The following FHL5 variants were observed in gnomAD, a reference collection of about 807,000 sequenced individuals.
FHL5 encodes four and a half LIM domains 5.
A neutral mutation model predicts 32.0 loss-of-function variants in FHL5; 33 were observed. The ratio of observed to expected loss-of-function variants is 1.03; its 90% CI spans 0.78 to 1.38. The LOEUF (loss-of-function observed/expected upper bound fraction) is 1.38. FHL5 is among the 40% of genes most tolerant of loss of function. FHL5 has a pLI of 0.00. For missense variants in FHL5, 336 were observed against 343.9 expected, an observed-to-expected ratio of 0.98 and a Z score of 0.18; for synonymous variants, 114 against 113.6, an observed-to-expected ratio of 1.00 and a Z score of -0.02.
intron 2 of FHL5, among the ~76,000 whole-genome samples, chr6:96,604,055 G>C (rs1392700766): frequency 6.6e-6 from 1 of 152,162 alleles, no homozygotes; most frequent in Non-Finnish European, 1.5e-5. Context: ...TTTTCCTGCT[G>C]TTTCCAAGCT....
chr6:96,591,533 G>A (rs972135863), intron 1 of FHL5, among the ~76,000 whole-genome samples: 3 of 152,166 alleles, frequency 2.0e-5, no homozygotes. Context: ...GCCTGAAAAT[G>A]CTTTTACCTT....
At position 96,610,769 on chromosome 6, in the gene FHL5, C is replaced by A; in HGVS notation, c.691+11C>A. On this transcript the variant is annotated intron_variant, in intron 5 of 5. Transcript: ENST00000450218. ...CCAAACCCATTAGTGGTGAGTTCTT[C>A]AGTTCAATATGATCATGCCATGAGA... 6.3e-7 allele frequency: 1 copy of A among 1,589,882 alleles called. No homozygotes were observed. Among genetic ancestry groups the A allele is most frequent in the Non-Finnish European group, 8.6e-7 (1 of 1,160,700 alleles).
intron 1 of FHL5, among the ~76,000 whole-genome samples, chr6:96,596,684 T>C (rs1414436368): frequency 1.3e-5 from 2 of 152,122 alleles, no homozygotes; most frequent in Non-Finnish European, 2.9e-5. Context: ...CAGTTACCAT[T>C]GTAGCTCCTC....
chr6:96,601,432 G>C (rs1183815420), intron 1 of FHL5, among the ~76,000 whole-genome samples: 1 of 152,340 alleles, frequency 6.6e-6, no homozygotes, highest in South Asian at 2.1e-4. Flanking sequence ...TGGGGTGGGA[G>C]AAGGACCGTC....
At chr6:96,605,599 A>G (rs1305691021) in intron 3 of FHL5, among the ~76,000 whole-genome samples, 4 of 152,118 alleles carry the variant, frequency 2.6e-5, no homozygotes, top group African/African-American at 9.7e-5. Context: ...TATCCAAACC[A>G]TGTGAAACCA....
At chr6:96,595,280 T>C (rs541349124) in intron 1 of FHL5, among the ~76,000 whole-genome samples, 1 of 151,860 alleles carries the variant, frequency 6.6e-6, no homozygotes, top group African/African-American at 2.4e-5. Context: ...CTCTTAGCAT[T>C]ATTTCAGTTT....
rs1730700043 is a variant in FHL5, at chr6:96,604,815, T to G, written c.225T>G (p.Ser75=). ...TCAAGTGCACCAAATGCAATCACTCTTTGGTGGAAAAGCCTTTTGCTGCCA... is the reference window on the plus strand; with the variant it reads ...TCAAGTGCACCAAATGCAATCACTCGTTGGTGGAAAAGCCTTTTGCTGCCA... ...GCFKCTKCNH[S]LVEKPFAAKD... Residue 75 remains serine, a synonymous_variant, in exon 3 of 6, where the codon TCT becomes TCG. Transcript: ENST00000450218. 1.2e-6 allele frequency: 2 copies of G among 1,614,116 alleles called. No individual in the cohort carries two copies. Among genetic ancestry groups the G allele is most frequent in the African/African-American group, 1.3e-5 (1 of 75,072 alleles).
intron 1 of FHL5, among the ~76,000 whole-genome samples, chr6:96,588,613 A>G (rs965624086): frequency 2.0e-5 from 3 of 152,200 alleles, no homozygotes; most frequent in East Asian, 3.8e-4. Context: ...TTTAAATTTC[A>G]CTGATTAAGA....
intron 5 of FHL5, 29 bp from the exon 6 acceptor site, chr6:96,615,580 A>G (rs371781196): frequency 1.9e-6 from 3 of 1,570,850 alleles, no homozygotes; most frequent in Non-Finnish European, 2.6e-6. Flanking sequence ...GAAAGGATAG[A>G]TTAATCTTTT....
At chr6:96,572,879 T>C (rs1415009074) in intron 1 of FHL5, among the ~76,000 whole-genome samples, 2 of 152,210 alleles carry the variant, frequency 1.3e-5, no homozygotes, top group Non-Finnish European at 1.5e-5. Flanking sequence ...TATGTAGCCA[T>C]CCTGAGTTTT....
chr6:96,577,546 C>T (rs1024632086), intron 1 of FHL5, among the ~76,000 whole-genome samples: 1 of 152,096 alleles, frequency 6.6e-6, no homozygotes, highest in African/African-American at 2.4e-5. Flanking sequence ...TGATTTTGGG[C>T]TTATCTTTCC....
In FHL5 at chr6:96,605,902, G is replaced by T; in HGVS notation, c.335G>T (p.Gly112Val). 1.2e-6 allele frequency: 2 copies of T among 1,613,784 alleles called. No homozygotes were observed. Among genetic ancestry groups the T allele is most frequent in the African/African-American group, 2.7e-5 (2 of 74,992 alleles). Residue 112 changes from glycine (G) to valine (V), a missense_variant and splice_region_variant, in exon 4 of 6, where the codon GGT becomes GTT. Coordinates refer to ENST00000450218, the MANE Select transcript of FHL5 (RefSeq NM_001322466.2). The stretch of plus-strand genomic sequence containing the variant: ...ACATGGCCTTACTTTTGGAGTACAG[G>T]TTCCCGCAAAATGGAATTTAAGGGA... ...CFHCKRTIMP[G>V]SRKMEFKGNY...
chr6:96,577,950 A>T (rs1268678297), intron 1 of FHL5, among the ~76,000 whole-genome samples: 1 of 151,974 alleles, frequency 6.6e-6, no homozygotes, highest in Non-Finnish European at 1.5e-5. Flanking sequence ...TCAAAAAAAA[A>T]AAAAAAAAGT....
Position 96,604,799 on chromosome 6 carries a change from C to T in FHL5, c.209C>T (p.Thr70Ile). ...TGGCATGAAGGATGCTTCAAGTGCA[C>T]CAAATGCAATCACTCTTTGGTGGAA... ...RHWHEGCFKC[T>I]KCNHSLVEKP... Residue 70 changes from threonine (T) to isoleucine (I), a missense_variant, in exon 3 of 6, where the codon ACC becomes ATC. By Grantham distance (89) the Thr-to-Ile change is moderately conservative (BLOSUM62 -1). Coordinates refer to ENST00000450218, the MANE Select transcript of FHL5 (RefSeq NM_001322466.2). 1 of 1,613,938 alleles carries T rather than the reference C, an allele frequency of 6.2e-7. No homozygotes were observed. The highest frequency in any genetic ancestry group is 1.1e-5 in the South Asian group (1 of 91,036).
intron 1 of FHL5, among the ~76,000 whole-genome samples, chr6:96,602,248 A>G (rs1771163517): frequency 6.6e-6 from 1 of 152,038 alleles, no homozygotes; most frequent in African/African-American, 2.4e-5. Flanking sequence ...GCTAAAATTA[A>G]AAGAAAAATT....
intron 5 of FHL5, among the ~76,000 whole-genome samples, chr6:96,611,452 T>C (rs780802429): frequency 3.3e-5 from 5 of 152,168 alleles, no homozygotes; most frequent in African/African-American, 4.8e-5. Flanking sequence ...AAGAAATACA[T>C]CTTTTCCTCA....
At chr6:96,568,719 A>G (rs994230059) in intron 1 of FHL5, among the ~76,000 whole-genome samples, 1 of 151,806 alleles carries the variant, frequency 6.6e-6, no homozygotes, top group Non-Finnish European at 1.5e-5. Context: ...GAATTTACCT[A>G]TTTCTGTCAG....
intron 1 of FHL5, among the ~76,000 whole-genome samples, chr6:96,566,890 T>A (rs953681658): frequency 6.6e-6 from 1 of 151,906 alleles, no homozygotes; most frequent in Non-Finnish European, 1.5e-5. Context: ...AATATTAAAC[T>A]CTTGTCAGAT....
chr6:96,573,527 A>ATTTTTTTT (rs553599471), intron 1 of FHL5, among the ~76,000 whole-genome samples: 14 of 112,400 alleles, frequency 1.2e-4, no homozygotes, highest in East Asian at 2.5e-4. Context: ...AAATATTCTA[A>ATTTTTTTT]TTTTTTTTTT....
Sources: allele counts gnomAD v4.1 joint callset (sites outside exome capture counted in the v4.1 genomes callset), GRCh38; gene constraint gnomAD v4.1.1; transcripts MANE v1.5; gene names NCBI Gene and HGNC (gene_info 2026-07-23, HGNC 2026-07-21).